PAGE2B: variants seen among roughly 807,000 people sequenced by gnomAD.
PAGE2B encodes PAGE family member 2B, also known as putative G antigen family E member 3.
Under a neutral mutation model 7.6 loss-of-function variants are expected in PAGE2B, and 5 were observed. The observed-to-expected ratio is 0.66, with a 90% CI of 0.34 to 1.38. The LOEUF is 1.38. Among genes scored for constraint, PAGE2B ranks in the 40% most tolerant of loss-of-function variants. PAGE2B has a pLI of 0.04. For missense variants in PAGE2B, 70 were observed against 78.4 expected, an observed-to-expected ratio of 0.89 and a Z score of 0.41; for synonymous variants, 29 against 26.7, an observed-to-expected ratio of 1.09 and a Z score of -0.27.
chrX:55,053,380 G>T, the PAGE2B span, among the ~76,000 whole-genome samples: 14 of 111,543 alleles, frequency 1.3e-4, no homozygotes, highest in Admixed American at 2.9e-4. Context: ...AGGGGGCGAG[G>T]GGAGGGAGAG....
chrX:55,077,244 G>C (rs1404353791), intron 3 of PAGE2B, among the ~76,000 whole-genome samples, 155 bp from the exon 4 acceptor site: 2 of 112,311 alleles, frequency 1.8e-5, no homozygotes, highest in African/African-American at 6.5e-5. Context: ...GGCAATGTTT[G>C]AACATCTCTG....
intron 2 of PAGE2B, 45 bp downstream of exon 2, chrX:55,076,170 T>A: frequency 8.6e-7 from 1 of 1,168,577 alleles, no homozygotes; most frequent in Non-Finnish European, 1.2e-6. Flanking sequence ...ACAATTTATT[T>A]TAAGAAATAT....
At chrX:55,051,387 A>G in the PAGE2B span, among the ~76,000 whole-genome samples, 1 of 111,788 alleles carries the variant, frequency 8.9e-6, no homozygotes, top group East Asian at 2.8e-4. Context: ...TCTCCTGGAT[A>G]ATATCCTGCA....
the PAGE2B span, among the ~76,000 whole-genome samples, chrX:55,034,579 C>T: frequency 9.1e-6 from 1 of 109,797 alleles, no homozygotes; most frequent in Non-Finnish European, 1.9e-5. Context: ...TGTTTAATAA[C>T]ACTTATAATT....
chrX:55,049,559 A>T, the PAGE2B span, among the ~76,000 whole-genome samples: 5 of 111,508 alleles, frequency 4.5e-5, no homozygotes, highest in Non-Finnish European at 7.5e-5. Context: ...TGAGGAATTT[A>T]TCCGTTTCTT....
chrX:55,074,934 T>C (rs1406609636), upstream of PAGE2B: 1 of 113,040 alleles, frequency 8.8e-6, no homozygotes, highest in African/African-American at 3.2e-5. Flanking sequence ...TCCCAGTCAG[T>C]GTGCATGCTG....
the PAGE2B span, among the ~76,000 whole-genome samples, chrX:55,054,660 G>A: frequency 1.1e-4 from 12 of 111,940 alleles, no homozygotes; most frequent in East Asian, 8.4e-4. Context: ...AACTGAAATC[G>A]AATTATAATT....
At chrX:55,041,965 A>T in the PAGE2B span, among the ~76,000 whole-genome samples, 5 of 111,903 alleles carry the variant, frequency 4.5e-5, no homozygotes, top group African/African-American at 1.6e-4. Context: ...AATGGGGAAA[A>T]GTTGAAAACA....
the PAGE2B span, among the ~76,000 whole-genome samples, chrX:55,051,032 T>G: frequency 1.8e-5 from 2 of 111,230 alleles, no homozygotes; most frequent in Non-Finnish European, 3.8e-5. Flanking sequence ...CGCTTTTGCT[T>G]GTCTGTAAAG....
chrX:55,028,471 A>T, the PAGE2B span, among the ~76,000 whole-genome samples: 2 of 111,451 alleles, frequency 1.8e-5, no homozygotes, highest in East Asian at 5.6e-4. Flanking sequence ...AAAGCCCCCA[A>T]TATTGGAGGC....
chrX:55,064,975 T>C, the PAGE2B span, among the ~76,000 whole-genome samples: 1 of 111,730 alleles, frequency 9.0e-6, no homozygotes, highest in Non-Finnish European at 1.9e-5. Context: ...ACATATGGTC[T>C]ATCCTTGAGA....
the PAGE2B span, among the ~76,000 whole-genome samples, chrX:55,056,363 G>A: frequency 9.0e-6 from 1 of 110,967 alleles, no homozygotes. Context: ...AGTCTTTTAG[G>A]CCAAAGAAAA....
At chrX:55,076,763 C>T in intron 3 of PAGE2B, 86 bp downstream of exon 3, 1 of 629,542 alleles carries the variant, frequency 1.6e-6, no homozygotes, top group Non-Finnish European at 2.5e-6. Flanking sequence ...AACAGGAGGA[C>T]AGAAAGCATT....
the PAGE2B span, among the ~76,000 whole-genome samples, chrX:55,065,973 A>G: frequency 8.9e-6 from 1 of 112,668 alleles, no homozygotes; most frequent in African/African-American, 3.2e-5. Flanking sequence ...TCTACTGAAG[A>G]TAAGAGTAGT....
At chrX:55,049,169 G>C in the PAGE2B span, among the ~76,000 whole-genome samples, 1 of 109,695 alleles carries the variant, frequency 9.1e-6, no homozygotes, top group African/African-American at 3.4e-5. Context: ...CTTGATCATG[G>C]TGGATAAGCT....
At chrX:55,044,833 G>T in the PAGE2B span, 5 of 112,129 alleles carry the variant, frequency 4.5e-5, no homozygotes, top group African/African-American at 1.6e-4. Context: ...ATAGATTGCT[G>T]ATGCATAATC....
At chrX:55,045,889 C>G in the PAGE2B span, among the ~76,000 whole-genome samples, 5 of 111,368 alleles carry the variant, frequency 4.5e-5, no homozygotes, top group East Asian at 1.4e-3. Context: ...ATGGCTGCTA[C>G]GTTGCACGGT....
rs904057661 is a variant in PAGE2B, at chrX:55,075,102, C to T, written c.-21C>T. On this transcript the variant is annotated 5_prime_UTR_variant, in exon 1 of 5. Coordinates refer to ENST00000374971, the MANE Select transcript of PAGE2B (RefSeq NM_001015038.3). ...GCCATCTTGATTCTTTGTCACTGAC[C>T]GAGACTCAGCCGGTAGGTCCGCAGA... 1 of 115,474 alleles carries T rather than the reference C, an allele frequency of 8.7e-6. No homozygotes were observed. The highest frequency in any genetic ancestry group is 3.2e-5 in the African/African-American group (1 of 31,158). 9.5% of individuals were successfully genotyped at this position (115,474 alleles called of 1,213,427 possible). A position where few individuals can be genotyped will look rare whatever the true frequency, so the allele number is the denominator to read the frequency against.
At chrX:55,051,489 T>C in the PAGE2B span, among the ~76,000 whole-genome samples, 1 of 112,176 alleles carries the variant, frequency 8.9e-6, no homozygotes, top group East Asian at 2.8e-4. Flanking sequence ...CCCATATTTC[T>C]TGGAGGCTTT....
Sources: gnomAD v4.1 joint callset for allele counts (sites outside exome capture counted in the v4.1 genomes callset) on GRCh38, gnomAD v4.1.1 for gene constraint, MANE v1.5 for transcripts, NCBI Gene and HGNC (gene_info 2026-07-23, HGNC 2026-07-21) for gene names.